Variants in MYO1H observed in about 807,000 individuals in gnomAD.
MYO1H encodes the protein unconventional myosin-Ih.
Under a neutral mutation model 149.3 loss-of-function variants are expected in MYO1H, and 118 were observed. That is an observed-to-expected ratio of 0.79 (90% CI 0.68 to 0.92). MYO1H has a LOEUF of 0.92. Ranked by LOEUF, MYO1H falls within the 40% of genes least tolerant of loss-of-function variation. The pLI, the probability that MYO1H is intolerant of heterozygous loss-of-function variation, is 0.00. For missense variants in MYO1H, 1,212 were observed against 1,280.7 expected, an observed-to-expected ratio of 0.95 and a Z score of 0.82; for synonymous variants, 447 against 465.2, an observed-to-expected ratio of 0.96 and a Z score of 0.50.
upstream of MYO1H, among the ~76,000 whole-genome samples, chr12:109,346,685 CT>C (rs778745479): frequency 2.7e-4 from 41 of 152,112 alleles, no homozygotes; most frequent in Non-Finnish European, 5.1e-4. Flanking sequence ...TCACTTGAAC[CT>C]GGGGGGCGGA....
At chr12:109,397,334 G>T (rs11066492) in intron 4 of MYO1H, among the ~76,000 whole-genome samples, 6 of 152,088 alleles carry the variant, frequency 3.9e-5, no homozygotes, top group Admixed American at 2.0e-4. Context: ...TTCTATAAAT[G>T]AAGATGTTTA....
At chr12:109,368,581 G>A (rs1234054800) in intron 1 of MYO1H, among the ~76,000 whole-genome samples, 1 of 148,942 alleles carries the variant, frequency 6.7e-6, no homozygotes, top group East Asian at 2.0e-4. Context: ...GCTTGAACCC[G>A]AGAGGTGGAG....
intron 1 of MYO1H, among the ~76,000 whole-genome samples, chr12:109,372,112 G>A (rs188214491): frequency 6.6e-6 from 1 of 152,126 alleles, no homozygotes; most frequent in Admixed American, 6.5e-5. Flanking sequence ...TTTTAACTCT[G>A]CTTATAATGT....
intron 18 of MYO1H, 51 bp downstream of exon 18, chr12:109,426,102 C>T: frequency 1.5e-6 from 2 of 1,376,874 alleles, no homozygotes; most frequent in South Asian, 1.2e-5. Context: ...GGCTGGGAGC[C>T]AAAGCAAGGT....
At chr12:109,419,016 G>C (rs534945188) in intron 15 of MYO1H, among the ~76,000 whole-genome samples, 1 of 152,068 alleles carries the variant, frequency 6.6e-6, no homozygotes, top group Non-Finnish European at 1.5e-5. Context: ...AAAGAATAAA[G>C]ATAATACACA....
chr12:109,444,230 C>G (rs1872376975), exon 29 of MYO1H: 2 of 1,613,806 alleles, frequency 1.2e-6, no homozygotes, highest in Admixed American at 1.7e-5. Context: ...CACTAGCAAT[C>G]TGAGTGATGG....
intron 3 of MYO1H, among the ~76,000 whole-genome samples, chr12:109,395,354 GAA>G (rs1869844712): frequency 6.6e-6 from 1 of 152,154 alleles, no homozygotes; most frequent in South Asian, 2.1e-4. Flanking sequence ...AGAGTTAATA[GAA>G]CGTCTCTTGG....
chr12:109,379,700 A>T (rs1252093437), intron 1 of MYO1H, among the ~76,000 whole-genome samples: 3 of 151,704 alleles, frequency 2.0e-5, no homozygotes, highest in African/African-American at 7.3e-5. Flanking sequence ...GCTTATATTT[A>T]AAAAAGAAAC....
At chr12:109,440,745 C>T in exon 25 of MYO1H, 8 of 1,558,726 alleles carry the variant, frequency 5.1e-6, no homozygotes, top group Non-Finnish European at 7.0e-6. Context: ...TCCACACAGG[C>T]ATCAGATCTG....
chr12:109,406,287 T>C (rs553494321), intron 8 of MYO1H, among the ~76,000 whole-genome samples: 2 of 151,920 alleles, frequency 1.3e-5, no homozygotes, highest in African/African-American at 4.8e-5. Flanking sequence ...TGGGCCTGGA[T>C]ACTCTATGAA....
intron 28 of MYO1H, among the ~76,000 whole-genome samples, chr12:109,443,906 A>T (rs545496130): frequency 6.6e-6 from 1 of 151,966 alleles, no homozygotes; most frequent in Non-Finnish European, 1.5e-5. Flanking sequence ...TGGCTCAAAA[A>T]AAAAAACAAA....
chr12:109,411,745 C>CA, intron 13 of MYO1H, 149 bp from the exon 14 acceptor site: 1 of 535,558 alleles, frequency 1.9e-6, no homozygotes, highest in South Asian at 2.4e-5. Context: ...ATGGATTAAG[C>CA]CCTTCTTCCC....
At chr12:109,326,477 CT>C in the MYO1H span, among the ~76,000 whole-genome samples, 4 of 145,946 alleles carry the variant, frequency 2.7e-5, no homozygotes, top group African/African-American at 7.7e-5. Flanking sequence ...TAGACTCTAC[CT>C]TTTTTTTATA....
intron 1 of MYO1H, among the ~76,000 whole-genome samples, chr12:109,387,509 A>G (rs1869397609): frequency 6.6e-6 from 1 of 152,242 alleles, no homozygotes; most frequent in Non-Finnish European, 1.5e-5. Context: ...TGCACGCTTT[A>G]GGCATTTCTC....
intron 10 of MYO1H, among the ~76,000 whole-genome samples, chr12:109,409,039 C>T (rs1031161880): frequency 6.6e-6 from 1 of 152,038 alleles, no homozygotes; most frequent in Non-Finnish European, 1.5e-5. Context: ...GATCCGCCTG[C>T]CTCAGCCTCC....
At chr12:109,417,397 G>A (rs78551578) in intron 15 of MYO1H, among the ~76,000 whole-genome samples, 26,301 of 151,864 alleles carry the variant, frequency 0.17, 2,635 homozygotes, top group African/African-American at 0.27. Flanking sequence ...GCATGATCTC[G>A]GCTCACTGCA....
chr12:109,336,145 CTT>C, the MYO1H span, among the ~76,000 whole-genome samples: 2 of 152,140 alleles, frequency 1.3e-5, no homozygotes, highest in Non-Finnish European at 2.9e-5. Context: ...TTCCCTGACT[CTT>C]ATATGAATCC....
chr12:109,409,582 G>A (rs761061212), exon 11 of MYO1H: 2 of 1,613,620 alleles, frequency 1.2e-6, no homozygotes, highest in Non-Finnish European at 1.7e-6. Context: ...ACTGTAATTG[G>A]ATTACTGGAC....
chr12:109,372,849 A>C (rs1002252108), intron 1 of MYO1H, among the ~76,000 whole-genome samples: 8 of 151,614 alleles, frequency 5.3e-5, no homozygotes, highest in Non-Finnish European at 1.2e-4. Context: ...AACTTAGGTA[A>C]ATTAATAACT....
Sources: gnomAD v4.1 joint callset for allele counts (sites outside exome capture counted in the v4.1 genomes callset) on GRCh38, gnomAD v4.1.1 for gene constraint, MANE v1.5 for transcripts, NCBI Gene and HGNC (gene_info 2026-07-23, HGNC 2026-07-21) for gene names.